TTC14: variants seen among roughly 807,000 people sequenced by gnomAD.
TTC14 encodes the protein tetratricopeptide repeat protein 14.
In TTC14, 63 loss-of-function variants were observed where a neutral mutation model predicts 79.9. The observed-to-expected ratio is 0.79, with a 90% CI of 0.64 to 0.97. TTC14 has a LOEUF of 0.97. Among genes scored for constraint, TTC14 ranks in the 50% least tolerant of loss-of-function variants. The pLI, the probability that TTC14 is intolerant of heterozygous loss-of-function variation, is 0.00. For synonymous variants in TTC14, 335 were observed against 309.6 expected (o/e 1.08, Z -0.86); for missense variants, 895 against 894.0 (o/e 1.00, Z -0.01).
chr3:180,610,735 T>C lies in TTC14; in HGVS notation c.*193T>C. 7.7e-7 allele frequency: 1 copy of C among 1,296,638 alleles called. No individual in the cohort carries two copies. Among genetic ancestry groups the C allele is most frequent in the Non-Finnish European group, 9.8e-7 (1 of 1,022,164 alleles). The allele number at this position is 1,296,638 out of a possible 1,614,324, so 80.3% of individuals were successfully genotyped here. A position where few individuals can be genotyped will look rare whatever the true frequency, so the allele number is the denominator to read the frequency against. On this transcript the variant is annotated 3_prime_UTR_variant, in exon 12 of 12. Transcript: ENST00000296015. The stretch of plus-strand genomic sequence containing the variant: ...AGGTCCCTTGTCACAGCTTGGTTTT[T>C]AGACTTTTTATGTATATGTTTATGT...
intron 1 of TTC14, 70 bp downstream of exon 1, chr3:180,602,492 C>A: frequency 6.7e-7 from 1 of 1,495,988 alleles, no homozygotes; most frequent in South Asian, 1.3e-5. Context: ...ACCGCAGCCC[C>A]GGGTTTGCGT....
chr3:180,604,849 A>T lies in TTC14; in HGVS notation c.702-3A>T. On this transcript the variant is annotated splice_region_variant and splice_polypyrimidine_tract_variant and intron_variant, in intron 5 of 11. Coordinates refer to ENST00000296015, the MANE Select transcript of TTC14 (RefSeq NM_133462.4). ...ACAATTTTTGTGTTTGTATTTTTTT[A>T]AGGAGAAGTGTTGAGCTAAATAGCA... 1 of 1,590,416 alleles carries T rather than the reference A, an allele frequency of 6.3e-7. No homozygotes were observed. Among genetic ancestry groups the T allele is most frequent in the African/African-American group, 1.4e-5 (1 of 73,414 alleles).
At position 180,606,620 on chromosome 3, in the gene TTC14, G is replaced by A. The variant is rs771147188; in HGVS notation, c.1172+17G>A. ...AGGAGGACAGTAAGTATCAGATTTT[G>A]TTTAATAGTGGAGGTCTAATGTTCA... On this transcript the variant is annotated intron_variant, in intron 9 of 11. Transcript: ENST00000296015. 3 of 1,602,032 alleles carry A rather than the reference G, an allele frequency of 1.9e-6. No homozygotes were observed. The highest frequency in any genetic ancestry group is 2.6e-6 in the Non-Finnish European group (3 of 1,176,220).
Position 180,610,158 on chromosome 3 carries a change from T to C in TTC14, c.1929T>C (p.Gly643=). The C allele has an allele frequency of 1.2e-6, 2 of 1,613,008 alleles. No homozygotes were observed. Among genetic ancestry groups the C allele is most frequent in the East Asian group, 2.2e-5 (1 of 44,850 alleles). ...GGAATTCAGAGGACAAGATTTATGG[T>C]TATAGGAGATTTGAAAAGGATATAG... The part of the protein sequence containing the change: ...FCRNSEDKIY[G]YRRFEKDIEG... The change falls in exon 12 of 12, where the codon GGT becomes GGC. Residue 643 remains glycine, a synonymous_variant. Transcript: ENST00000296015.
rs1717253977 is a variant in TTC14, at chr3:180,616,605, G to C, written c.1775-775G>C. 2.5e-6 allele frequency: 4 copies of C among 1,598,582 alleles called. No individual in the cohort carries two copies. The East Asian group carries it at 9.0e-5, about 36-fold the overall frequency. On this transcript the variant is annotated intron_variant, in intron 12 of 12. Transcript: ENST00000382584. ...ATTTCATCAATAACTTTGTGAAACT[G>C]TTTCATTTCACGAAGTTTGATGTCT...
intron 6 of TTC14, chr3:180,605,514 C>A (rs1319392785): frequency 6.3e-6 from 2 of 317,326 alleles, no homozygotes; most frequent in African/African-American, 4.5e-5. Context: ...ATCTCCTGAC[C>A]TCGTGATCCA....
chr3:180,603,734 G>A (rs1287352894), intron 3 of TTC14: 1 of 240,012 alleles, frequency 4.2e-6, no homozygotes, highest in Non-Finnish European at 8.2e-6. Context: ...AAATGTAAGT[G>A]GTTTGTACAT....
chr3:180,605,651 G>A (rs1716638354), intron 6 of TTC14, 115 bp from the exon 7 acceptor site: 4 of 675,584 alleles, frequency 5.9e-6, no homozygotes, highest in South Asian at 4.1e-5. Context: ...ATAGAATGCA[G>A]ATTTCTTGCT....
At chr3:180,613,546 A>G (rs1428785844), downstream of TTC14, among the ~76,000 whole-genome samples, 1 of 152,192 alleles carries the variant, frequency 6.6e-6, no homozygotes, top group Non-Finnish European at 1.5e-5. Flanking sequence ...TATATTATCA[A>G]ATTCGGTAAA....
At chr3:180,607,848 A>C in intron 10 of TTC14, 83 bp downstream of exon 10, 3 of 1,565,688 alleles carry the variant, frequency 1.9e-6, no homozygotes, top group Non-Finnish European at 2.6e-6. Flanking sequence ...AAACTATTCT[A>C]CATTACTTAA....
chr3:180,616,790 A>G (rs1202266481), intron 12 of TTC14: 2 of 1,597,222 alleles, frequency 1.3e-6, no homozygotes, highest in South Asian at 1.1e-5. Flanking sequence ...TCAAAAATGT[A>G]AATATGAAAG....
At chr3:180,613,975 TC>T, downstream of TTC14, 1 of 386,450 alleles carries the variant, frequency 2.6e-6, no homozygotes, top group Non-Finnish European at 5.1e-6. Flanking sequence ...GAGCATTTTT[TC>T]CCAAGGTTTG....
downstream of TTC14, among the ~76,000 whole-genome samples, chr3:180,611,620 T>TCC (rs948007537): frequency 9.2e-5 from 14 of 152,182 alleles, no homozygotes; most frequent in African/African-American, 3.4e-4. Flanking sequence ...ATAAAGATCC[T>TCC]CCCCAAATTG....
intron 6 of TTC14, 142 bp downstream of exon 6, chr3:180,605,149 C>A: frequency 1.4e-6 from 1 of 700,640 alleles, no homozygotes; most frequent in Non-Finnish European, 2.3e-6. Flanking sequence ...CCAGGTGATC[C>A]CATCTTCTGG....
rs760574967 is a variant in TTC14 at position 180,602,385 on chromosome 3, G to C, written c.124G>C (p.Ala42Pro). 1 of 1,609,620 alleles carries C rather than the reference G, an allele frequency of 6.2e-7. No homozygotes were observed. Among genetic ancestry groups the C allele is most frequent in the Admixed American group, 1.7e-5 (1 of 59,872 alleles). ...CCTCCTGGGGTCGGCCGCCGAGCCA[G>C]CCCGGGGCCCGCCGCCCCAGCACCC... ...RSLLGSAAEPARGPPPQHPLQ... is the reference protein window; with the variant it reads ...RSLLGSAAEPPRGPPPQHPLQ... The change falls in exon 1 of 12, where the codon GCC becomes CCC. Residue 42 changes from alanine to proline, a missense_variant. Ala to Pro is a conservative substitution (Grantham distance 27). Coordinates refer to ENST00000296015, the MANE Select transcript of TTC14 (RefSeq NM_133462.4).
At position 180,608,716 on chromosome 3, in the gene TTC14, A is replaced by G; in HGVS notation, c.1306A>G (p.Arg436Gly). The change falls in exon 11 of 12, where the codon AGA (arginine) becomes GGA (glycine). Residue 436 changes from arginine to glycine, a missense_variant. By Grantham distance (125) the Arg-to-Gly change is moderately radical (BLOSUM62 -2). Transcript: ENST00000296015. ...GTTCTAAAAGAAATCTTTGGAATTAAGAGAAAAACAAGCTGAAAAGGAAGA... is the reference window on the plus strand; with the variant it reads ...GTTCTAAAAGAAATCTTTGGAATTAGGAGAAAAACAAGCTGAAAAGGAAGA... The part of the protein sequence containing the change: ...HKYMQKSLEL[R>G]EKQAEKEEKQ... 1 of 1,539,358 alleles carries G rather than the reference A, an allele frequency of 6.5e-7. No homozygotes were observed. Among genetic ancestry groups the G allele is most frequent in the Non-Finnish European group, 8.7e-7 (1 of 1,147,990 alleles).
At chr3:180,613,671 T>C, downstream of TTC14, 1 of 343,374 alleles carries the variant, frequency 2.9e-6, no homozygotes, top group Non-Finnish European at 5.7e-6. Flanking sequence ...GTGTTTAATA[T>C]TACTTCAAGT....
At chr3:180,611,724 T>G (rs1717002374), downstream of TTC14, among the ~76,000 whole-genome samples, 1 of 152,182 alleles carries the variant, frequency 6.6e-6, no homozygotes, top group Admixed American at 6.5e-5. Context: ...CAGTTTAAGA[T>G]TCTCAAAGCT....
At chr3:180,608,536 A>C (rs1206442727) in intron 10 of TTC14, 165 bp from the exon 11 acceptor site, 27 of 1,238,090 alleles carry the variant, frequency 2.2e-5, no homozygotes, top group Non-Finnish European at 2.8e-5. Flanking sequence ...AAACATCTGT[A>C]TGACTAATTT....
Sources: allele counts gnomAD v4.1 joint callset (sites outside exome capture counted in the v4.1 genomes callset), GRCh38; gene constraint gnomAD v4.1.1; transcripts MANE v1.5; gene names NCBI Gene and HGNC (gene_info 2026-07-23, HGNC 2026-07-21).